PTPRN2: variants seen among roughly 807,000 people sequenced by gnomAD.
The protein encoded by PTPRN2 is protein tyrosine phosphatase receptor type N2.
In PTPRN2, 74 loss-of-function variants were observed where a neutral mutation model predicts 118.8. The ratio of observed to expected loss-of-function variants is 0.62; its 90% CI spans 0.52 to 0.76. The LOEUF (loss-of-function observed/expected upper bound fraction) is 0.76. Among genes scored for constraint, PTPRN2 ranks in the 30% least tolerant of loss-of-function variants. The pLI, the probability that PTPRN2 is intolerant of heterozygous loss-of-function variation, is 0.00. For synonymous variants in PTPRN2, 641 were observed against 608.0 expected (o/e 1.05, Z -0.80); for missense variants, 1,481 against 1,394.4 (o/e 1.06, Z -0.99).
intron 2 of PTPRN2, among the ~76,000 whole-genome samples, chr7:158,373,136 T>C (rs1464439848): frequency 6.6e-6 from 1 of 152,212 alleles, no homozygotes; most frequent in Admixed American, 6.5e-5. Context: ...TGGCTTTGTC[T>C]GTAAAGGAGC....
Position 157,787,647 on chromosome 7 carries a change from G to T in PTPRN2, c.1789-104710C>A, listed in dbSNP as rs150920506. ...CAAGGACATGCATTTCACACTGACC[G>T]GGGCCTCCCTGGGACACCCTGAACA... On this transcript the variant is annotated intron_variant, in intron 12 of 22. Coordinates refer to ENST00000389418, the MANE Select transcript of PTPRN2 (RefSeq NM_002847.5). This position sits in a 1 kb window ranked among gnomAD's most constrained non-coding sequence, Gnocchi z 5.3. 6.6e-6 allele frequency among the ~76,000 whole-genome samples: 1 copy of T among 152,234 alleles called. No individual in the cohort carries two copies.
At chr7:157,735,823 T>G (rs1386638492) in intron 12 of PTPRN2, among the ~76,000 whole-genome samples, 3 of 152,162 alleles carry the variant, frequency 2.0e-5, no homozygotes, top group Admixed American at 6.5e-5. Flanking sequence ...GCTGAGTACC[T>G]TCTCGGGAAA....
chr7:158,066,266 G>C (rs1810762919), intron 11 of PTPRN2, among the ~76,000 whole-genome samples: 1 of 152,204 alleles, frequency 6.6e-6, no homozygotes, highest in African/African-American at 2.4e-5. Context: ...TCCATGAGGT[G>C]GATGAGTCCC....
At chr7:157,736,769 C>G (rs866879361) in intron 12 of PTPRN2, among the ~76,000 whole-genome samples, 3 of 152,176 alleles carry the variant, frequency 2.0e-5, no homozygotes, top group Non-Finnish European at 4.4e-5. Flanking sequence ...CCTGCTCTTT[C>G]GTGGACGGCG....
At chr7:158,078,714 T>C (rs2128928616) in intron 11 of PTPRN2, among the ~76,000 whole-genome samples, 1 of 152,190 alleles carries the variant, frequency 6.6e-6, no homozygotes, top group East Asian at 1.9e-4. Context: ...AATGGGCGAG[T>C]CACCAGTCAC....
At chr7:158,277,932 A>G (rs1253875968) in intron 3 of PTPRN2, among the ~76,000 whole-genome samples, 1 of 152,124 alleles carries the variant, frequency 6.6e-6, no homozygotes, top group Non-Finnish European at 1.5e-5. Flanking sequence ...CAGGACCACC[A>G]GGCACACAAG....
chr7:158,337,175 T>A (rs1343741193), intron 2 of PTPRN2, among the ~76,000 whole-genome samples: 1 of 152,092 alleles, frequency 6.6e-6, no homozygotes, highest in Non-Finnish European at 1.5e-5. Context: ...CCTGCAGACG[T>A]CACTCACACC....
At chr7:158,245,567 C>A (rs997680064) in intron 3 of PTPRN2, among the ~76,000 whole-genome samples, 1 of 152,104 alleles carries the variant, frequency 6.6e-6, no homozygotes, top group Admixed American at 6.5e-5. Flanking sequence ...GGTCTCCTTG[C>A]CGAGAGTGGG....
At chr7:158,441,459 GATAGTGATGGTCATGGCA>G (rs1563297692) in intron 2 of PTPRN2, among the ~76,000 whole-genome samples, 19 of 148,134 alleles carry the variant, frequency 1.3e-4, no homozygotes, top group African/African-American at 4.4e-4. Context: ...CAGTGGTGGT[GATAGTGATGGTCATGGCA>G]GTGGTGGTGA....
chr7:158,157,901 G>A (rs889350443), intron 6 of PTPRN2, among the ~76,000 whole-genome samples: 1 of 152,226 alleles, frequency 6.6e-6, no homozygotes, highest in African/African-American at 2.4e-5. Flanking sequence ...AAGGCACTTT[G>A]ATAACATAGG....
chr7:157,900,436 T>TA (rs1391796165), intron 11 of PTPRN2, among the ~76,000 whole-genome samples: 1 of 152,228 alleles, frequency 6.6e-6, no homozygotes, highest in African/African-American at 2.4e-5. Flanking sequence ...GCAGTGAGTC[T>TA]AAGGGTGTCT....
Position 157,953,697 on chromosome 7 carries a change from G to C in PTPRN2, c.1724-54960C>G, listed in dbSNP as rs1426726708. Among the ~76,000 whole-genome samples the C allele has an allele frequency of 6.6e-6, 1 of 152,056 alleles. No homozygotes were observed. ...CAGAGCTGCATCATCAGAGCAGTTG[G>C]GGGACAGGAGGGCCAAGTCTGAGGA... On this transcript the variant is annotated intron_variant, in intron 11 of 22. Transcript: ENST00000389418. The surrounding 1 kb of genome is among the most constrained non-coding windows in gnomAD (Gnocchi z 4.6).
intron 2 of PTPRN2, among the ~76,000 whole-genome samples, chr7:158,330,878 C>G (rs1284325530): frequency 9.6e-6 from 1 of 104,014 alleles, no homozygotes; most frequent in Non-Finnish European, 2.0e-5. Context: ...AGACGTCATT[C>G]ACACCCAAAC....
chr7:158,558,268 G>C (rs1827175005), intron 1 of PTPRN2, among the ~76,000 whole-genome samples: 1 of 152,240 alleles, frequency 6.6e-6, no homozygotes, highest in African/African-American at 2.4e-5. Context: ...TTACAGGCCT[G>C]AGCCACTGCA....
chr7:157,936,276 C>T (rs989507865), intron 11 of PTPRN2, among the ~76,000 whole-genome samples: 23 of 152,168 alleles, frequency 1.5e-4, no homozygotes, highest in African/African-American at 4.1e-4. Flanking sequence ...CTGACTGAGC[C>T]GAAGCTCTCT....
intron 11 of PTPRN2, among the ~76,000 whole-genome samples, chr7:158,017,207 T>A: frequency 6.6e-6 from 1 of 152,208 alleles, no homozygotes; most frequent in East Asian, 1.9e-4. Flanking sequence ...CAAGAGTGGC[T>A]CAAAATGAAG....
At chr7:158,232,718 AG>A (rs372059738) in intron 3 of PTPRN2, among the ~76,000 whole-genome samples, 5 of 152,346 alleles carry the variant, frequency 3.3e-5, no homozygotes, top group African/African-American at 1.2e-4. Context: ...CACATTAAAA[AG>A]ATCATTCAAC....
chr7:158,493,117 C>G (rs1305720530), intron 1 of PTPRN2, among the ~76,000 whole-genome samples: 1 of 152,254 alleles, frequency 6.6e-6, no homozygotes, highest in Non-Finnish European at 1.5e-5. Flanking sequence ...TGCTCCTCTG[C>G]TGAACCCTAT....
chr7:157,642,640 A>G (rs1369936766), intron 14 of PTPRN2, among the ~76,000 whole-genome samples: 1 of 152,122 alleles, frequency 6.6e-6, no homozygotes, highest in Non-Finnish European at 1.5e-5. Context: ...TTTATGCACC[A>G]GCTTCAAGTG....
Sources: allele counts gnomAD v4.1 joint callset (sites outside exome capture counted in the v4.1 genomes callset), GRCh38; gene constraint gnomAD v4.1.1; non-coding constraint Gnocchi (gnomAD v3.1); transcripts MANE v1.5; gene names NCBI Gene and HGNC (gene_info 2026-07-23, HGNC 2026-07-21).